CALCR: variants seen among roughly 807,000 people sequenced by gnomAD.
The protein encoded by CALCR is calcitonin receptor.
A neutral mutation model predicts 59.5 loss-of-function variants in CALCR; 47 were observed. That is an observed-to-expected ratio of 0.79 (90% confidence interval 0.63 to 1.01). The LOEUF (loss-of-function observed/expected upper bound fraction) is 1.01, where lower values mean the gene tolerates loss of function less well. CALCR is among the 50% of genes least tolerant of loss of function. CALCR has a pLI of 0.00. For synonymous variants in CALCR, 213 were observed against 211.3 expected (o/e 1.01, Z -0.07); for missense variants, 566 against 597.1 (o/e 0.95, Z 0.54).
rs139961179 is a variant in CALCR at position 93,549,026 on chromosome 7, T to A, written c.-27+25263A>T. On this transcript the variant is annotated intron_variant, in intron 2 of 13. Coordinates refer to ENST00000426151, the MANE Select transcript of CALCR (RefSeq NM_001742.4). ...AGGTATTACGTTGGATTTAAGTTAT[T>A]TCCTTATTTTTGGGAAGGGAAATGG... Among the ~76,000 whole-genome samples the A allele has an allele frequency of 2.8e-3, 428 of 152,252 alleles. 1 individual carries two copies. Among genetic ancestry groups the A allele is most frequent in the African/African-American group, 9.8e-3 (409 of 41,558 alleles).
chr7:93,568,088 T>C (rs181070675), intron 2 of CALCR, among the ~76,000 whole-genome samples: 3 of 152,252 alleles, frequency 2.0e-5, no homozygotes, highest in Admixed American at 6.5e-5. Flanking sequence ...GTATTTAATA[T>C]ATACCTATAT....
intron 2 of CALCR, among the ~76,000 whole-genome samples, chr7:93,549,546 A>G (rs1789392906): frequency 6.6e-6 from 1 of 152,162 alleles, no homozygotes; most frequent in African/African-American, 2.4e-5. Context: ...GTTAATCATT[A>G]TTTTCCATAG....
chr7:93,541,823 T>A (rs1789148941), intron 2 of CALCR, among the ~76,000 whole-genome samples: 1 of 152,222 alleles, frequency 6.6e-6, no homozygotes, highest in Admixed American at 6.5e-5. Flanking sequence ...AAACTGGATC[T>A]CCAGACTTCT....
At chr7:93,560,688 C>T (rs1337053784) in intron 2 of CALCR, among the ~76,000 whole-genome samples, 2 of 152,098 alleles carry the variant, frequency 1.3e-5, no homozygotes, top group Non-Finnish European at 2.9e-5. Flanking sequence ...CACATATCTA[C>T]AGAATGGTGG....
chr7:93,518,076 G>A lies in CALCR; in HGVS notation c.-26-31069C>T, dbSNP rs907205998. On this transcript the variant is annotated intron_variant, in intron 2 of 13. Coordinates refer to ENST00000426151, the MANE Select transcript of CALCR (RefSeq NM_001742.4). ...GTAAAAGCATGAAACATTGAGAACAGTAGATAAAAATATGTGTATTTTTGT... is the reference window on the plus strand; with the variant it reads ...GTAAAAGCATGAAACATTGAGAACAATAGATAAAAATATGTGTATTTTTGT... Among the ~76,000 whole-genome samples the A allele has an allele frequency of 4.6e-5, 7 of 151,934 alleles. 1 individual carries two copies. The highest frequency in any genetic ancestry group is 3.9e-4 in the Admixed American group (6 of 15,196).
At chr7:93,434,569 A>G (rs1019295848) in intron 12 of CALCR, among the ~76,000 whole-genome samples, 2 of 151,754 alleles carry the variant, frequency 1.3e-5, no homozygotes, top group Non-Finnish European at 2.9e-5. Flanking sequence ...GATTTATAGC[A>G]GCATATGCTG....
chr7:93,448,627 G>A (rs559000979), intron 8 of CALCR, among the ~76,000 whole-genome samples: 1 of 152,038 alleles, frequency 6.6e-6, no homozygotes, highest in South Asian at 2.1e-4. Flanking sequence ...AATTTTTGTA[G>A]CCTATTTTAA....
intron 2 of CALCR, among the ~76,000 whole-genome samples, chr7:93,554,992 A>C (rs537249112): frequency 2.0e-5 from 3 of 152,046 alleles, no homozygotes; most frequent in South Asian, 2.1e-4. Context: ...ATTGGCAGTA[A>C]CTAGCAAGAC....
chr7:93,451,446 C>T (rs1008915285), intron 8 of CALCR, among the ~76,000 whole-genome samples: 1 of 151,978 alleles, frequency 6.6e-6, no homozygotes, highest in Non-Finnish European at 1.5e-5. Flanking sequence ...TCCTTTTCTG[C>T]TCCCCTTATC....
chr7:93,565,920 T>C (rs1789855117), intron 2 of CALCR, among the ~76,000 whole-genome samples: 1 of 152,238 alleles, frequency 6.6e-6, no homozygotes, highest in South Asian at 2.1e-4. Flanking sequence ...GTTGGGTTAA[T>C]TAATGGATGA....
intron 4 of CALCR, 36 bp downstream of exon 4, chr7:93,479,318 T>C: frequency 6.4e-7 from 1 of 1,552,368 alleles, no homozygotes; most frequent in Non-Finnish European, 8.7e-7. Flanking sequence ...TGTAATGGTG[T>C]TTCAAACATA....
chr7:93,524,568 T>C (rs148163685), intron 2 of CALCR, among the ~76,000 whole-genome samples: 47 of 152,238 alleles, frequency 3.1e-4, no homozygotes, highest in Admixed American at 8.5e-4. Context: ...ATTATTAGCT[T>C]AATTTCTGCT....
intron 8 of CALCR, among the ~76,000 whole-genome samples, chr7:93,453,123 A>G (rs1053363416): frequency 4.6e-5 from 7 of 152,034 alleles, no homozygotes; most frequent in African/African-American, 1.4e-4. Context: ...GCTGTATCAC[A>G]CAGAAATGAA....
chr7:93,536,265 G>GCTAAATGCCTCTTGCCCCTAGCA (rs1563011668), intron 2 of CALCR, among the ~76,000 whole-genome samples: 2 of 151,692 alleles, frequency 1.3e-5, no homozygotes, highest in African/African-American at 4.8e-5. Flanking sequence ...ACTATTTCAT[G>GCTAAATGCCTCTTGCCCCTAGCA]GAAGTGAATG....
intron 2 of CALCR, among the ~76,000 whole-genome samples, chr7:93,535,818 T>A (rs767171031): frequency 2.9e-4 from 44 of 151,794 alleles, no homozygotes; most frequent in Non-Finnish European, 5.5e-4. Flanking sequence ...TGAAGTTAGA[T>A]GCTGACTAAG....
chr7:93,473,429 CTT>C lies in CALCR; in HGVS notation c.317-944_317-943del, dbSNP rs368860594. Among the ~76,000 whole-genome samples, 390 of 151,842 alleles carry C rather than the reference CTT, an allele frequency of 2.6e-3. 3 individuals carry two copies. Among genetic ancestry groups the C allele is most frequent in the African/African-American group, 8.4e-3 (348 of 41,480 alleles). Reference sequence around the variant, plus strand: ...GAGCTATTAAGCACTAATTAAGCCTCTTATTTCTGTGGCAATGTGCCAACTGG... The same window carrying C: ...GAGCTATTAAGCACTAATTAAGCCTCATTTCTGTGGCAATGTGCCAACTGG... On this transcript the variant is annotated intron_variant, in intron 5 of 13. Coordinates refer to ENST00000426151, the MANE Select transcript of CALCR (RefSeq NM_001742.4).
At chr7:93,469,039 C>A (rs1473795020) in intron 6 of CALCR, among the ~76,000 whole-genome samples, 2 of 151,846 alleles carry the variant, frequency 1.3e-5, no homozygotes, top group Non-Finnish European at 2.9e-5. Context: ...TGAAGTACCT[C>A]ATTCAAAAAT....
At chr7:93,505,549 T>C (rs2116020397) in intron 2 of CALCR, among the ~76,000 whole-genome samples, 1 of 152,188 alleles carries the variant, frequency 6.6e-6, no homozygotes, top group East Asian at 1.9e-4. Context: ...TGGATGGTCT[T>C]CTGTGAACAT....
intron 2 of CALCR, among the ~76,000 whole-genome samples, chr7:93,570,262 A>G (rs2051748): frequency 0.55 from 82,893 of 151,996 alleles, 24,334 homozygotes; most frequent in African/African-American, 0.77. Flanking sequence ...ATTAGAAAAC[A>G]AGTCTAACCA....
Sources: allele counts gnomAD v4.1 joint callset (sites outside exome capture counted in the v4.1 genomes callset), GRCh38; gene constraint gnomAD v4.1.1; transcripts MANE v1.5; gene names NCBI Gene and HGNC (gene_info 2026-07-23, HGNC 2026-07-21).